L2HGDH: variants seen among roughly 807,000 people sequenced by gnomAD.
L2HGDH encodes L-2-hydroxyglutarate dehydrogenase.
In L2HGDH, 34 loss-of-function variants were observed where a neutral mutation model predicts 51.5. That is an observed-to-expected ratio of 0.66 (90% CI 0.50 to 0.88). The LOEUF (loss-of-function observed/expected upper bound fraction) is 0.88, where lower values mean the gene tolerates loss of function less well. Ranked by LOEUF, L2HGDH falls within the 40% of genes least tolerant of loss-of-function variation. The pLI, the probability that L2HGDH is intolerant of heterozygous loss-of-function variation, is 0.00. For synonymous variants in L2HGDH, 198 were observed against 197.9 expected, an observed-to-expected ratio of 1.00 and a Z score of -0.01; for missense variants, 558 against 571.9, an observed-to-expected ratio of 0.98 and a Z score of 0.25.
chr14:50,245,184 C>G lies in L2HGDH; in HGVS notation c.*1874G>C. 1 of 985,282 alleles carries G rather than the reference C, an allele frequency of 1.0e-6. No individual in the cohort carries two copies. The highest frequency in any genetic ancestry group is 1.2e-6 in the Non-Finnish European group (1 of 829,792). 61.0% of individuals were successfully genotyped at this position (985,282 alleles called of 1,614,324 possible). ...ATATCCCTATACAAGTTTATAGGAGCCCTGAAAAATCAAGTACGTATGAAT... is the reference window on the plus strand; with the variant it reads ...ATATCCCTATACAAGTTTATAGGAGGCCTGAAAAATCAAGTACGTATGAAT... On this transcript the variant is annotated 3_prime_UTR_variant, in exon 10 of 10. Coordinates refer to ENST00000267436, the MANE Select transcript of L2HGDH (RefSeq NM_024884.3).
intron 4 of L2HGDH, chr14:50,287,392 A>AT: frequency 1.4e-6 from 1 of 690,952 alleles, no homozygotes; most frequent in Non-Finnish European, 1.8e-6. Context: ...TACCATTAGG[A>AT]TACCAGTAAT....
Position 50,249,438 on chromosome 14 carries a change from C to T in L2HGDH, c.1197-2185G>A, listed in dbSNP as rs1318768643. On this transcript the variant is annotated intron_variant, in intron 9 of 9. Transcript: ENST00000267436. ...GCAAAGAGCAAAGAGTAAAGAGGAC[C>T]GTCTTACATCTTGGATTCCAGCTCA... 2.6e-5 allele frequency among the ~76,000 whole-genome samples: 4 copies of T among 152,256 alleles called. No individual in the cohort carries two copies. The South Asian group carries it at 6.2e-4, about 24-fold the overall frequency.
chr14:50,283,149 C>T lies in L2HGDH; in HGVS notation c.703+722G>A, dbSNP rs151333705. Among the ~76,000 whole-genome samples the T allele has an allele frequency of 1.3e-3, 193 of 151,746 alleles. 1 individual carries two copies. In the East Asian group the frequency reaches 0.028, roughly 22 times the overall value. On this transcript the variant is annotated intron_variant, in intron 5 of 9. Coordinates refer to ENST00000267436, the MANE Select transcript of L2HGDH (RefSeq NM_024884.3). ...CTGGGAGGTGAAGGTTACAGTGAGC[C>T]GGGATTGTGCCACTGCACTCCAGCC...
intron 4 of L2HGDH, among the ~76,000 whole-genome samples, chr14:50,284,840 T>C (rs994732634): frequency 2.0e-5 from 3 of 152,222 alleles, no homozygotes; most frequent in Non-Finnish European, 4.4e-5. Context: ...CACAGCATTA[T>C]TGTTGTGGTG....
In L2HGDH at chr14:50,246,173, T is replaced by G. The variant is rs1887985515; in HGVS notation, c.*885A>C. ...GGATTCGGACAGATAAAACTGTACC[T>G]TGCCTCTTTATTCGCAAAGTAAATA... On this transcript the variant is annotated 3_prime_UTR_variant, in exon 10 of 10. Coordinates refer to ENST00000267436, the MANE Select transcript of L2HGDH (RefSeq NM_024884.3). 6.6e-6 allele frequency: 1 copy of G among 152,078 alleles called. No homozygotes were observed. The highest frequency in any genetic ancestry group is 1.5e-5 in the Non-Finnish European group (1 of 68,020). The allele number at this position is 152,078 out of a possible 1,614,324, so 9.4% of individuals were successfully genotyped here.
intron 4 of L2HGDH, among the ~76,000 whole-genome samples, chr14:50,291,820 A>C (rs1185126937): frequency 6.6e-6 from 1 of 152,204 alleles, no homozygotes; most frequent in East Asian, 1.9e-4. Context: ...TATACAAACT[A>C]GGATTAAACA....
At chr14:50,268,368 G>T (rs1889465065) in intron 7 of L2HGDH, among the ~76,000 whole-genome samples, 2 of 125,544 alleles carry the variant, frequency 1.6e-5, no homozygotes, top group East Asian at 2.6e-4. Context: ...AACAGAGTGA[G>T]AATCTGTCTC....
At position 50,269,191 on chromosome 14, in the gene L2HGDH, C is replaced by G. The variant is rs774200182; in HGVS notation, c.878G>C (p.Cys293Ser). 3.8e-6 allele frequency: 6 copies of G among 1,572,906 alleles called. No individual in the cohort carries two copies. The highest frequency in any genetic ancestry group is 2.6e-6 in the Non-Finnish European group (3 of 1,152,990). Residue 293 changes from cysteine to serine, a missense_variant, in exon 7 of 10, where the codon TGT becomes TCT. Around this residue, in one of 3 missense-constraint regions of L2HGDH, gnomAD observed 321 missense variants for 311.8 expected, o/e 1.03. Transcript: ENST00000267436. ...ATAAATATTTCCTTTTACAAGATAACATTTTTCTGGCTTCAAAAGCAGGTA... is the reference window on the plus strand; with the variant it reads ...ATAAATATTTCCTTTTACAAGATAAGATTTTTCTGGCTTCAAAAGCAGGTA... Reference protein sequence around the residue: ...GDYLLLKPEKCYLVKGNIYPV... With the variant: ...GDYLLLKPEKSYLVKGNIYPV...
At chr14:50,274,392 C>G (rs1889863015) in intron 6 of L2HGDH, among the ~76,000 whole-genome samples, 1 of 152,062 alleles carries the variant, frequency 6.6e-6, no homozygotes, top group African/African-American at 2.4e-5. Flanking sequence ...CACTAATCAT[C>G]AGGAAAATCA....
chr14:50,310,936 CTTTTTTTT>C (rs34399906), intron 1 of L2HGDH, among the ~76,000 whole-genome samples: 10 of 82,238 alleles, frequency 1.2e-4, no homozygotes, highest in Non-Finnish European at 2.3e-4. Context: ...CTTTTCTTTT[CTTTTTTTT>C]TTTTTTTTTT....
chr14:50,305,916 C>G (rs980799038), intron 1 of L2HGDH, among the ~76,000 whole-genome samples: 8 of 152,110 alleles, frequency 5.3e-5, no homozygotes, highest in African/African-American at 1.9e-4. Context: ...CATGTAAATG[C>G]TATGTGAATA....
At chr14:50,288,994 A>G (rs2139178473) in intron 4 of L2HGDH, among the ~76,000 whole-genome samples, 2 of 152,298 alleles carry the variant, frequency 1.3e-5, no homozygotes, top group Middle Eastern at 3.4e-3. Flanking sequence ...AGAAACAGAA[A>G]GTGGGTTTAA....
At chr14:50,256,172 A>C (rs976739149) in intron 9 of L2HGDH, among the ~76,000 whole-genome samples, 1 of 152,144 alleles carries the variant, frequency 6.6e-6, no homozygotes, top group Non-Finnish European at 1.5e-5. Context: ...CCAGTTCCAA[A>C]TACAATGAGA....
At chr14:50,247,425 A>G (rs1888071943) in intron 9 of L2HGDH, among the ~76,000 whole-genome samples, 172 bp from the exon 10 acceptor site, 1 of 152,242 alleles carries the variant, frequency 6.6e-6, no homozygotes, top group Non-Finnish European at 1.5e-5. Context: ...TGTCAAACCT[A>G]TATTGTTAGC....
chr14:50,277,927 C>T (rs926791933), intron 6 of L2HGDH, among the ~76,000 whole-genome samples: 2 of 152,062 alleles, frequency 1.3e-5, no homozygotes, highest in East Asian at 1.9e-4. Flanking sequence ...ATTCCAGCTC[C>T]GCATTCAGCT....
chr14:50,248,328 T>C (rs1337414944), intron 9 of L2HGDH, among the ~76,000 whole-genome samples: 1 of 152,206 alleles, frequency 6.6e-6, no homozygotes, highest in Non-Finnish European at 1.5e-5. Context: ...CATTTTTTAC[T>C]AATTCTGGGA....
At chr14:50,270,798 G>A (rs941408365) in intron 6 of L2HGDH, among the ~76,000 whole-genome samples, 10 of 150,906 alleles carry the variant, frequency 6.6e-5, no homozygotes, top group Non-Finnish European at 8.9e-5. Flanking sequence ...GAGCCACCGC[G>A]CCCGGCCAGG....
At chr14:50,298,038 GT>G (rs1313091493) in intron 3 of L2HGDH, among the ~76,000 whole-genome samples, 1 of 151,974 alleles carries the variant, frequency 6.6e-6, no homozygotes, top group East Asian at 1.9e-4. Flanking sequence ...GAAGTCAGGA[GT>G]TTAAGACCAG....
intron 9 of L2HGDH, among the ~76,000 whole-genome samples, chr14:50,262,309 A>G (rs752005426): frequency 6.6e-6 from 1 of 151,994 alleles, no homozygotes; most frequent in Non-Finnish European, 1.5e-5. Flanking sequence ...ACGTGCCTGT[A>G]ATCCCAGCTA....
Sources: allele counts gnomAD v4.1 joint callset (sites outside exome capture counted in the v4.1 genomes callset), GRCh38; gene constraint gnomAD v4.1.1; regional missense constraint gnomAD v4.1.1; transcripts MANE v1.5; gene names NCBI Gene and HGNC (gene_info 2026-07-23, HGNC 2026-07-21).